POLR3B: variants seen among roughly 807,000 people sequenced by gnomAD.
The protein encoded by POLR3B is DNA-directed RNA polymerase III subunit RPC2.
POLR3B carries 96 observed loss-of-function variants against 147.4 expected under a neutral mutation model. The observed-to-expected ratio is 0.65, with a 90% CI of 0.55 to 0.77. The LOEUF (loss-of-function observed/expected upper bound fraction) is 0.77, where lower values mean the gene tolerates loss of function less well. Ranked by LOEUF, POLR3B falls within the 30% of genes least tolerant of loss-of-function variation. The pLI, the probability that POLR3B is intolerant of heterozygous loss-of-function variation, is 0.00. For synonymous variants in POLR3B, 461 were observed against 485.9 expected (o/e 0.95, Z 0.67); for missense variants, 1,036 against 1,413.5 (o/e 0.73, Z 4.28).
At position 106,376,440 on chromosome 12, in the gene POLR3B, C is replaced by G; in HGVS notation, c.486C>G (p.Pro162=). ...AATTTGCCAAACTGAACGAATGTCC[C>G]TTAGATCCAGGTATGTGTGAAGTCT... ...PAEFAKLNEC[P]LDPGGYFIVK... The change falls in exon 7 of 28, where the codon CCC becomes CCG. Residue 162 remains proline, a synonymous_variant. Coordinates refer to ENST00000228347, the MANE Select transcript of POLR3B (RefSeq NM_018082.6). 1 of 1,609,622 alleles carries G rather than the reference C, an allele frequency of 6.2e-7. No homozygotes were observed. Among genetic ancestry groups the G allele is most frequent in the East Asian group, 2.2e-5 (1 of 44,858 alleles).
intron 27 of POLR3B, among the ~76,000 whole-genome samples, chr12:106,508,549 GGTT>G (rs1475369269): frequency 2.0e-5 from 3 of 152,210 alleles, no homozygotes; most frequent in Non-Finnish European, 2.9e-5. Context: ...TGTAGGGTAA[GGTT>G]GTATTTTGGT....
intron 25 of POLR3B, chr12:106,500,225 A>G (rs1326093185): frequency 4.4e-6 from 2 of 454,258 alleles, no homozygotes; most frequent in African/African-American, 2.0e-5. Context: ...AAAATTTTTT[A>G]AGACATCAGT....
chr12:106,443,512 T>TAGTA (rs1454320366), intron 18 of POLR3B, among the ~76,000 whole-genome samples: 2 of 149,984 alleles, frequency 1.3e-5, no homozygotes, highest in Non-Finnish European at 3.0e-5. Context: ...TGTTGGTCTA[T>TAGTA]AGTAACTATT....
At chr12:106,482,655 G>T (rs2038284988) in intron 23 of POLR3B, among the ~76,000 whole-genome samples, 1 of 152,140 alleles carries the variant, frequency 6.6e-6, no homozygotes, top group Non-Finnish European at 1.5e-5. Flanking sequence ...TTTGACACGA[G>T]ATTTGGGTGG....
chr12:106,430,521 G>T, intron 14 of POLR3B, 48 bp downstream of exon 14: 1 of 1,455,722 alleles, frequency 6.9e-7, no homozygotes. Flanking sequence ...CGATACCTAT[G>T]TCTGTGCATG....
chr12:106,359,648 G>A (rs555810771), intron 1 of POLR3B, among the ~76,000 whole-genome samples: 41 of 152,266 alleles, frequency 2.7e-4, no homozygotes, highest in African/African-American at 9.4e-4. Flanking sequence ...TATTTTAACC[G>A]TGAAAAGTGA....
chr12:106,448,888 C>T (rs2037760957), intron 19 of POLR3B, among the ~76,000 whole-genome samples: 1 of 152,088 alleles, frequency 6.6e-6, no homozygotes, highest in African/African-American at 2.4e-5. Context: ...AACTTACTAA[C>T]ATTCTTCTCA....
chr12:106,409,864 A>G (rs948794973), intron 11 of POLR3B, among the ~76,000 whole-genome samples: 13 of 152,226 alleles, frequency 8.5e-5, no homozygotes, highest in Middle Eastern at 3.4e-3. Context: ...CATTCTCAAA[A>G]TTTGTCTTTT....
At chr12:106,457,971 T>G (rs1427663232) in intron 21 of POLR3B, among the ~76,000 whole-genome samples, 2 of 152,006 alleles carry the variant, frequency 1.3e-5, no homozygotes, top group Non-Finnish European at 2.9e-5. Context: ...GTCCCAGAGC[T>G]TGGTAGTTGA....
chr12:106,380,027 A>G lies in POLR3B; in HGVS notation c.615-4A>G, dbSNP rs762445202. The G allele has an allele frequency of 5.0e-6, 8 of 1,594,120 alleles. No individual in the cohort carries two copies. Among genetic ancestry groups the G allele is most frequent in the Non-Finnish European group, 6.9e-6 (8 of 1,162,238 alleles). On this transcript the variant is annotated splice_region_variant and splice_polypyrimidine_tract_variant and intron_variant, in intron 8 of 27. Coordinates refer to ENST00000228347, the MANE Select transcript of POLR3B (RefSeq NM_018082.6). ...CAGTTTAACCAACTTGTATTTACTC[A>G]TAGCTCTACCCATGAGAAAAAAAGC...
At chr12:106,403,301 C>G (rs1210793891) in intron 10 of POLR3B, among the ~76,000 whole-genome samples, 8 of 151,146 alleles carry the variant, frequency 5.3e-5, no homozygotes, top group Non-Finnish European at 8.9e-5. Flanking sequence ...ATTAAAAAGT[C>G]AGGAAACAAC....
intron 1 of POLR3B, among the ~76,000 whole-genome samples, chr12:106,359,099 C>G (rs972843067): frequency 6.6e-6 from 1 of 152,050 alleles, no homozygotes. Flanking sequence ...GCACTTGTCC[C>G]AGCAACTCAG....
chr12:106,392,797 T>G (rs2036928916), intron 9 of POLR3B, among the ~76,000 whole-genome samples: 1 of 152,222 alleles, frequency 6.6e-6, no homozygotes, highest in Non-Finnish European at 1.5e-5. Flanking sequence ...TAGCAGATAG[T>G]ACACATGCAA....
intron 23 of POLR3B, among the ~76,000 whole-genome samples, chr12:106,481,340 G>C (rs966148447): frequency 6.6e-6 from 1 of 152,202 alleles, no homozygotes; most frequent in East Asian, 1.9e-4. Flanking sequence ...TGGTGAGAAG[G>C]GATCAGAGTC....
chr12:106,376,494 T>C, intron 7 of POLR3B, 44 bp downstream of exon 7: 1 of 1,281,860 alleles, frequency 7.8e-7, no homozygotes, highest in Non-Finnish European at 1.1e-6. Flanking sequence ...CTTATTCTTT[T>C]ATTCTGCTGC....
chr12:106,364,667 A>G (rs533684003), intron 2 of POLR3B, among the ~76,000 whole-genome samples: 2 of 152,380 alleles, frequency 1.3e-5, no homozygotes, highest in Non-Finnish European at 2.9e-5. Flanking sequence ...TCATAGCAGT[A>G]TTATTCATAA....
At chr12:106,399,530 T>A (rs1035660586) in intron 10 of POLR3B, among the ~76,000 whole-genome samples, 9 of 152,172 alleles carry the variant, frequency 5.9e-5, no homozygotes, top group African/African-American at 1.9e-4. Flanking sequence ...AATTGTCAGA[T>A]TCACCAAAGT....
At chr12:106,383,350 G>A (rs1178024703) in intron 9 of POLR3B, among the ~76,000 whole-genome samples, 6 of 152,276 alleles carry the variant, frequency 3.9e-5, no homozygotes, top group South Asian at 4.2e-4. Context: ...TCCTTTGTGT[G>A]CACAACTTGG....
chr12:106,438,667 G>A (rs981000823), intron 18 of POLR3B, among the ~76,000 whole-genome samples: 6 of 152,030 alleles, frequency 3.9e-5, no homozygotes, highest in Non-Finnish European at 5.9e-5. Context: ...GCCTTAATGT[G>A]TATTTTTTAA....
Sources: gnomAD v4.1 joint callset for allele counts (sites outside exome capture counted in the v4.1 genomes callset) on GRCh38, gnomAD v4.1.1 for gene constraint, MANE v1.5 for transcripts, NCBI Gene and HGNC (gene_info 2026-07-23, HGNC 2026-07-21) for gene names.